The following C12orf42 variants were observed in gnomAD, a reference collection of about 807,000 sequenced individuals.
C12orf42 encodes the protein uncharacterized protein C12orf42.
C12orf42 carries 25 observed loss-of-function variants against 21.6 expected under a neutral mutation model. The ratio of observed to expected loss-of-function variants is 1.16; its 90% confidence interval spans 0.84 to 1.62. The LOEUF is 1.62. Among genes scored for constraint, C12orf42 ranks in the 40% most tolerant of loss-of-function variants. The pLI is 0.00. For synonymous variants in C12orf42, 174 were observed against 175.0 expected (o/e 0.99, Z 0.05); for missense variants, 483 against 459.3 (o/e 1.05, Z -0.47).
intron 5 of C12orf42, among the ~76,000 whole-genome samples, chr12:103,272,172 A>G (rs1351835787): frequency 6.6e-6 from 1 of 152,208 alleles, no homozygotes; most frequent in African/African-American, 2.4e-5. Context: ...AGTGAGGTGA[A>G]ATAAACACAG....
chr12:103,269,581 T>G (rs918189376), intron 6 of C12orf42, among the ~76,000 whole-genome samples: 1 of 152,184 alleles, frequency 6.6e-6, no homozygotes, highest in Admixed American at 6.5e-5. Context: ...GTGACTCTAT[T>G]GGAATCACCA....
chr12:103,334,169 C>T (rs2041484001), intron 4 of C12orf42, among the ~76,000 whole-genome samples: 1 of 152,084 alleles, frequency 6.6e-6, no homozygotes, highest in South Asian at 2.1e-4. Context: ...ATATTACTTC[C>T]AACTTTGCTG....
chr12:103,236,690 T>C (rs2033477284), downstream of C12orf42, among the ~76,000 whole-genome samples: 3 of 152,324 alleles, frequency 2.0e-5, no homozygotes, highest in South Asian at 4.1e-4. Flanking sequence ...CTGTCATTAA[T>C]GAGAATTAGC....
Position 103,401,598 on chromosome 12 carries a change from C to T in C12orf42, c.147+9G>A, listed in dbSNP as rs2048002929. ...GAGCAGCCCTGCACATAACATTCCG[C>T]TGACTCACCTTTGCACTGGGTGTGC... On this transcript the variant is annotated intron_variant, in intron 3 of 5. Transcript: ENST00000548883. 1 of 1,613,294 alleles carries T rather than the reference C, an allele frequency of 6.2e-7. No homozygotes were observed. Among genetic ancestry groups the T allele is most frequent in the Admixed American group, 1.7e-5 (1 of 59,990 alleles).
intron 4 of C12orf42, among the ~76,000 whole-genome samples, chr12:103,360,782 A>G (rs1248585002): frequency 1.3e-5 from 2 of 152,156 alleles, no homozygotes; most frequent in Non-Finnish European, 2.9e-5. Context: ...AATATGTGCC[A>G]TCAAAGCCGT....
intron 4 of C12orf42, among the ~76,000 whole-genome samples, chr12:103,347,166 T>C (rs766753887): frequency 6.6e-6 from 1 of 152,186 alleles, no homozygotes; most frequent in Non-Finnish European, 1.5e-5. Context: ...CATCAACTTG[T>C]CACCTATATT....
chr12:103,497,872 C>G (rs1955607343), upstream of C12orf42, among the ~76,000 whole-genome samples: 1 of 151,676 alleles, frequency 6.6e-6, no homozygotes, highest in African/African-American at 2.4e-5. Flanking sequence ...TCTACTAAAA[C>G]AAAATAAAAA....
At chr12:103,484,102 A>C (rs1449652882) in intron 1 of C12orf42, among the ~76,000 whole-genome samples, 1 of 152,210 alleles carries the variant, frequency 6.6e-6, no homozygotes, top group African/African-American at 2.4e-5. Flanking sequence ...TGCTATTATG[A>C]ATAGTGCCGC....
In C12orf42 at chr12:103,441,987, T is replaced by C. The variant is rs939621101; in HGVS notation, c.78+36362A>G. 2.6e-5 allele frequency among the ~76,000 whole-genome samples: 4 copies of C among 151,828 alleles called. No homozygotes were observed. In the South Asian group the frequency reaches 8.3e-4, roughly 32 times the overall value. On this transcript the variant is annotated intron_variant, in intron 2 of 5. Transcript: ENST00000548883. ...GTGAGACCTCATCTCTACAAAAAAATTTAAAAATTAGCTAGGCTTGGTGGT... is the reference window on the plus strand; with the variant it reads ...GTGAGACCTCATCTCTACAAAAAAACTTAAAAATTAGCTAGGCTTGGTGGT...
the C12orf42 span, among the ~76,000 whole-genome samples, chr12:103,212,034 T>C: frequency 1.3e-5 from 2 of 152,196 alleles, no homozygotes; most frequent in African/African-American, 4.8e-5. Flanking sequence ...TTAACAGTTG[T>C]AGCTCTTATA....
At chr12:103,114,681 T>C in the C12orf42 span, among the ~76,000 whole-genome samples, 1 of 152,226 alleles carries the variant, frequency 6.6e-6, no homozygotes, top group African/African-American at 2.4e-5. Context: ...TAAAGGTACT[T>C]TGTAAACTGA....
chr12:103,449,378 T>C (rs1441205937), intron 2 of C12orf42, among the ~76,000 whole-genome samples: 2 of 151,732 alleles, frequency 1.3e-5, no homozygotes, highest in African/African-American at 2.4e-5. Flanking sequence ...AGACTACACA[T>C]AGAGTACAGT....
intron 2 of C12orf42, among the ~76,000 whole-genome samples, chr12:103,472,916 C>T (rs1953741777): frequency 6.6e-6 from 1 of 152,146 alleles, no homozygotes. Flanking sequence ...AATTCCAGGG[C>T]ACACATATTC....
intron 5 of C12orf42, among the ~76,000 whole-genome samples, chr12:103,274,200 A>G (rs1474906982): frequency 6.6e-6 from 1 of 152,220 alleles, no homozygotes; most frequent in East Asian, 1.9e-4. Flanking sequence ...GCTAAGTAAT[A>G]CAGCCAAGGC....
At chr12:103,535,819 C>T in the C12orf42 span, among the ~76,000 whole-genome samples, 1 of 152,000 alleles carries the variant, frequency 6.6e-6, no homozygotes, top group South Asian at 2.1e-4. Context: ...ACTTTGCTAC[C>T]CAGGCTGGAG....
At chr12:103,253,017 T>C (rs1237920607) in intron 10 of C12orf42, among the ~76,000 whole-genome samples, 7 of 152,238 alleles carry the variant, frequency 4.6e-5, no homozygotes, top group Non-Finnish European at 1.0e-4. Flanking sequence ...TTCTGTTTTC[T>C]GCATATGGCT....
the C12orf42 span, among the ~76,000 whole-genome samples, chr12:103,116,825 C>T: frequency 6.6e-6 from 1 of 152,190 alleles, no homozygotes; most frequent in Non-Finnish European, 1.5e-5. Flanking sequence ...AAGTACCTTG[C>T]TTATGATCAC....
At chr12:103,133,052 C>T in the C12orf42 span, among the ~76,000 whole-genome samples, 1 of 152,166 alleles carries the variant, frequency 6.6e-6, no homozygotes, top group Non-Finnish European at 1.5e-5. Flanking sequence ...CCCCATTCTC[C>T]AGTGCTTGAG....
At chr12:103,452,146 A>G (rs895358857) in intron 2 of C12orf42, among the ~76,000 whole-genome samples, 4 of 151,786 alleles carry the variant, frequency 2.6e-5, no homozygotes, top group Non-Finnish European at 5.9e-5. Context: ...GGATGTCCTT[A>G]CTCGCCTGAC....
Sources: allele counts gnomAD v4.1 joint callset (sites outside exome capture counted in the v4.1 genomes callset), GRCh38; gene constraint gnomAD v4.1.1; transcripts MANE v1.5; gene names NCBI Gene and HGNC (gene_info 2026-07-23, HGNC 2026-07-21).